Variants in NUP210L observed in about 807,000 individuals in gnomAD.
NUP210L encodes the protein nuclear pore membrane glycoprotein 210-like.
A neutral mutation model predicts 208.5 loss-of-function variants in NUP210L; 74 were observed. That is an observed-to-expected ratio of 0.35 (90% CI 0.29 to 0.43). The LOEUF is 0.43. Ranked by LOEUF, NUP210L falls within the 20% of genes least tolerant of loss-of-function variation. NUP210L has a pLI of 1.00. For synonymous variants in NUP210L, 780 were observed against 816.9 expected, an observed-to-expected ratio of 0.95 and a Z score of 0.77; for missense variants, 1,843 against 2,289.4, an observed-to-expected ratio of 0.81 and a Z score of 3.98.
intron 13 of NUP210L, among the ~76,000 whole-genome samples, chr1:154,100,630 T>G (rs901778631): frequency 1.6e-4 from 24 of 147,142 alleles, no homozygotes; most frequent in Admixed American, 1.4e-3. Context: ...GCGATTCTCC[T>G]GCCTCAGCCT....
At chr1:154,045,518 G>C (rs1653126081) in intron 27 of NUP210L, among the ~76,000 whole-genome samples, 1 of 152,100 alleles carries the variant, frequency 6.6e-6, no homozygotes, top group East Asian at 1.9e-4. Context: ...TCACTTTTGA[G>C]AGCTCTTTCC....
intron 12 of NUP210L, among the ~76,000 whole-genome samples, chr1:154,106,750 A>C (rs1656782609): frequency 1.3e-5 from 2 of 152,214 alleles, no homozygotes; most frequent in African/African-American, 4.8e-5. Context: ...GATCTTACCT[A>C]AGACCACCAA....
intron 38 of NUP210L, among the ~76,000 whole-genome samples, chr1:153,993,349 G>C (rs1640836521): frequency 6.6e-6 from 1 of 150,840 alleles, no homozygotes; most frequent in South Asian, 2.1e-4. Context: ...GGCGGATCAC[G>C]AGGTCAGGAG....
chr1:154,145,802 G>A (rs1228076917), intron 2 of NUP210L, among the ~76,000 whole-genome samples: 1 of 152,166 alleles, frequency 6.6e-6, no homozygotes, highest in African/African-American at 2.4e-5. Flanking sequence ...GTAGATATAT[G>A]TGTATACAGG....
At chr1:154,021,079 C>A (rs1218332283) in intron 32 of NUP210L, among the ~76,000 whole-genome samples, 27 of 151,416 alleles carry the variant, frequency 1.8e-4, no homozygotes, top group Admixed American at 1.8e-3. Flanking sequence ...GTATCTGGGA[C>A]TACAGGCGTG....
In NUP210L at chr1:154,060,928, C is replaced by T; in HGVS notation, c.2748+14G>A. The T allele has an allele frequency of 6.6e-7, 1 of 1,524,322 alleles. No individual in the cohort carries two copies. The highest frequency in any genetic ancestry group is 9.1e-7 in the Non-Finnish European group (1 of 1,100,118). The allele number at this position is 1,524,322 out of a possible 1,614,324, so 94.4% of individuals were successfully genotyped here. A position where few individuals can be genotyped will look rare whatever the true frequency, so the allele number is the denominator to read the frequency against. On this transcript the variant is annotated intron_variant, in intron 19 of 39. Transcript: ENST00000368559. ...CAATATGATTCCATTTAACTAGACT[C>T]ATACAGCTTCTACCTTTACATCAGG...
chr1:154,141,373 G>T, intron 4 of NUP210L, 58 bp downstream of exon 4: 1 of 1,081,352 alleles, frequency 9.2e-7, no homozygotes, highest in Non-Finnish European at 1.4e-6. Context: ...TCAGCATGCC[G>T]CTTAATGGCA....
intron 27 of NUP210L, among the ~76,000 whole-genome samples, chr1:154,030,295 C>T (rs779480296): frequency 6.6e-6 from 1 of 151,976 alleles, no homozygotes; most frequent in African/African-American, 2.4e-5. Context: ...CAAATACCAC[C>T]TGTACCCCAA....
chr1:154,028,923 C>G (rs936925989), intron 28 of NUP210L, among the ~76,000 whole-genome samples: 3 of 151,220 alleles, frequency 2.0e-5, no homozygotes, highest in Non-Finnish European at 4.4e-5. Context: ...GGCGAAACCC[C>G]GTCTCTACTA....
chr1:154,023,245 G>A, exon 31 of NUP210L: 2 of 1,613,704 alleles, frequency 1.2e-6, no homozygotes, highest in African/African-American at 2.7e-5. Flanking sequence ...CCTTCCTTGG[G>A]CTGTGTATAG....
chr1:154,064,382 T>C (rs1398014024), intron 17 of NUP210L, among the ~76,000 whole-genome samples: 1 of 152,144 alleles, frequency 6.6e-6, no homozygotes, highest in Non-Finnish European at 1.5e-5. Context: ...GCATGAGGGC[T>C]TGTTGCCTTT....
intron 35 of NUP210L, among the ~76,000 whole-genome samples, chr1:154,002,827 A>T (rs1220680762): frequency 6.6e-6 from 1 of 152,064 alleles, no homozygotes; most frequent in Non-Finnish European, 1.5e-5. Flanking sequence ...AAGCAGGGCA[A>T]TTAAGAGCTG....
rs1404501889 is a variant in NUP210L at position 154,045,167 on chromosome 1, G to A, written c.3696+902C>T. On this transcript the variant is annotated intron_variant, in intron 27 of 39. Transcript: ENST00000368559. ...AGAATCAGCTGCCCAGTTGATAGGCGACTACAGCTCCGTGGTACCCATGGT... is the reference window on the plus strand; with the variant it reads ...AGAATCAGCTGCCCAGTTGATAGGCAACTACAGCTCCGTGGTACCCATGGT... Among the ~76,000 whole-genome samples, 6 of 152,014 alleles carry A rather than the reference G, an allele frequency of 3.9e-5. No homozygotes were observed. In the East Asian group the frequency reaches 7.7e-4, roughly 20 times the overall value.
At chr1:154,083,636 G>A (rs972402677) in intron 16 of NUP210L, among the ~76,000 whole-genome samples, 10 of 151,986 alleles carry the variant, frequency 6.6e-5, no homozygotes, top group Admixed American at 3.3e-4. Flanking sequence ...TGATGTGTGG[G>A]GAAAAAACCC....
chr1:154,054,481 C>A, intron 24 of NUP210L, 74 bp from the exon 25 acceptor site: 2 of 1,456,000 alleles, frequency 1.4e-6, no homozygotes, highest in Non-Finnish European at 1.9e-6. Flanking sequence ...ACATTTTGTC[C>A]AAGCAACTTG....
intron 16 of NUP210L, among the ~76,000 whole-genome samples, chr1:154,071,524 G>A (rs953732189): frequency 3.4e-5 from 5 of 148,544 alleles, no homozygotes; most frequent in African/African-American, 7.4e-5. Flanking sequence ...TCCTACTTAT[G>A]AGTAAGAGCA....
chr1:154,103,371 G>A (rs1656570609), intron 13 of NUP210L, among the ~76,000 whole-genome samples: 2 of 146,264 alleles, frequency 1.4e-5, no homozygotes, highest in African/African-American at 5.1e-5. Context: ...TCCAGCCTGG[G>A]CAACAAAAGC....
exon 33 of NUP210L, chr1:154,018,945 T>A (rs747211955): frequency 6.2e-7 from 1 of 1,614,112 alleles, no homozygotes; most frequent in South Asian, 1.1e-5. Flanking sequence ...CTCGATATGT[T>A]TTCACTACTC....
intron 25 of NUP210L, among the ~76,000 whole-genome samples, chr1:154,047,762 T>TC (rs1175011859): frequency 1.3e-5 from 2 of 152,174 alleles, no homozygotes; most frequent in Non-Finnish European, 2.9e-5. Flanking sequence ...CCCCCTGATT[T>TC]CCCACTCCAC....
Sources: gnomAD v4.1 joint callset for allele counts (sites outside exome capture counted in the v4.1 genomes callset) on GRCh38, gnomAD v4.1.1 for gene constraint, MANE v1.5 for transcripts, NCBI Gene and HGNC (gene_info 2026-07-23, HGNC 2026-07-21) for gene names.